Variants in EIF2AK2 observed in about 807,000 individuals in gnomAD.
EIF2AK2 encodes eukaryotic translation initiation factor 2 alpha kinase 2, also known as interferon-induced, double-stranded RNA-activated protein kinase.
In EIF2AK2, 40 loss-of-function variants were observed where a neutral mutation model predicts 70.5. That is an observed-to-expected ratio of 0.57 (90% CI 0.44 to 0.74). EIF2AK2 has a LOEUF of 0.74. Among genes scored for constraint, EIF2AK2 ranks in the 30% least tolerant of loss-of-function variants. The probability of loss-of-function intolerance (pLI) is 0.00; values close to 1 mark genes in which losing one functional copy is unlikely to be tolerated. For missense variants in EIF2AK2, 555 were observed against 644.3 expected, an observed-to-expected ratio of 0.86 and a Z score of 1.50; for synonymous variants, 198 against 220.9, an observed-to-expected ratio of 0.90 and a Z score of 0.92.
chr2:37,148,654 A>G, intron 2 of EIF2AK2: 1 of 826,936 alleles, frequency 1.2e-6, no homozygotes, highest in Non-Finnish European at 2.1e-6. Flanking sequence ...TTTTACTTCA[A>G]CTTAGAACTG....
chr2:37,136,923 A>G, intron 9 of EIF2AK2, 60 bp downstream of exon 9: 4 of 1,496,738 alleles, frequency 2.7e-6, no homozygotes, highest in Non-Finnish European at 3.6e-6. Context: ...ATTAAGAACA[A>G]TAAATAAGTC....
chr2:37,151,393 A>G (rs1675736123), intron 1 of EIF2AK2, among the ~76,000 whole-genome samples: 1 of 152,220 alleles, frequency 6.6e-6, no homozygotes, highest in Non-Finnish European at 1.5e-5. Context: ...AACCACAACT[A>G]AATACAATTT....
At chr2:37,131,649 CT>C (rs1674942576) in intron 10 of EIF2AK2, among the ~76,000 whole-genome samples, 1 of 152,266 alleles carries the variant, frequency 6.6e-6, no homozygotes, top group Non-Finnish European at 1.5e-5. Flanking sequence ...TGAAAGTTCT[CT>C]TGCCGTGTTT....
Position 37,107,254 on chromosome 2 carries a change from A to G in EIF2AK2, c.*19T>C. On this transcript the variant is annotated 3_prime_UTR_variant, in exon 17 of 17. Coordinates refer to ENST00000233057, the MANE Select transcript of EIF2AK2 (RefSeq NM_001135651.3). ...AGGAAAACTGCATATCAGAAGCAGG[A>G]TACTTTTTCAGAAGGGCTCTAACAT... 1.2e-6 allele frequency: 2 copies of G among 1,603,572 alleles called. No homozygotes were observed. Among genetic ancestry groups the G allele is most frequent in the Non-Finnish European group, 1.7e-6 (2 of 1,177,086 alleles).
intron 4 of EIF2AK2, among the ~76,000 whole-genome samples, chr2:37,145,059 G>GA (rs1175018285): frequency 6.7e-6 from 1 of 149,014 alleles, no homozygotes; most frequent in Non-Finnish European, 1.5e-5. Flanking sequence ...TTTAAAAATA[G>GA]AAAAAAGCTT....
chr2:37,137,914 C>G (rs1442001065), intron 8 of EIF2AK2, among the ~76,000 whole-genome samples: 2 of 151,934 alleles, frequency 1.3e-5, no homozygotes, highest in Non-Finnish European at 2.9e-5. Flanking sequence ...AGTTCGAGAC[C>G]AGCCTGAACA....
intron 1 of EIF2AK2, among the ~76,000 whole-genome samples, chr2:37,154,228 G>A (rs1474750479): frequency 6.6e-6 from 1 of 151,980 alleles, no homozygotes; most frequent in Non-Finnish European, 1.5e-5. Context: ...GGGATGCTGA[G>A]GAAGGAGAAT....
intron 1 of EIF2AK2, among the ~76,000 whole-genome samples, chr2:37,151,455 A>C (rs7591361): frequency 0.95 from 145,043 of 152,274 alleles, 69,138 homozygotes; most frequent in East Asian, 1. Context: ...AATAAAAAAT[A>C]AGTGTTGGTG....
At chr2:37,114,961 AC>A (rs2148669612) in intron 13 of EIF2AK2, 102 bp from the exon 14 acceptor site, 2 of 784,552 alleles carry the variant, frequency 2.5e-6, no homozygotes, top group Middle Eastern at 4.3e-4. Context: ...TATTTATAAG[AC>A]CTTTACCCTT....
At chr2:37,151,336 A>T (rs955291471) in intron 1 of EIF2AK2, among the ~76,000 whole-genome samples, 1 of 152,236 alleles carries the variant, frequency 6.6e-6, no homozygotes, top group African/African-American at 2.4e-5. Context: ...CAATAAGCAC[A>T]TGAAAAGATA....
In EIF2AK2 at chr2:37,145,140, G is replaced by T. The variant is rs1390002136; in HGVS notation, c.240+1713C>A. On this transcript the variant is annotated intron_variant, in intron 4 of 16. Transcript: ENST00000233057. Reference sequence around the variant, plus strand: ...CTATGTGTTTGTTTGTGGTTTTGTGGGTTTTTTTTTTTTTTTTTTTGAGAC... The same window carrying T: ...CTATGTGTTTGTTTGTGGTTTTGTGTGTTTTTTTTTTTTTTTTTTTGAGAC... 2.3e-4 allele frequency among the ~76,000 whole-genome samples: 33 copies of T among 143,280 alleles called. 2 individuals are homozygous for T. The South Asian group carries it at 7.3e-3, about 32-fold the overall frequency. 94.0% of individuals were successfully genotyped at this position (143,280 alleles called of 152,430 possible).
chr2:37,137,109 C>G, intron 8 of EIF2AK2, 92 bp from the exon 9 acceptor site: 1 of 1,063,038 alleles, frequency 9.4e-7, no homozygotes, highest in Non-Finnish European at 1.3e-6. Flanking sequence ...CTAGATGGCT[C>G]TCTGACCAAT....
intron 1 of EIF2AK2, among the ~76,000 whole-genome samples, chr2:37,153,821 T>C (rs940226193): frequency 6.6e-6 from 1 of 152,200 alleles, no homozygotes; most frequent in African/African-American, 2.4e-5. Flanking sequence ...AAGTCCCTAC[T>C]TCTGAATATT....
intron 13 of EIF2AK2, among the ~76,000 whole-genome samples, chr2:37,118,043 C>T (rs1173208421): frequency 1.3e-5 from 2 of 152,002 alleles, no homozygotes; most frequent in African/African-American, 4.8e-5. Context: ...TGCAGTGGAG[C>T]ACACCTGGAA....
At chr2:37,122,477 T>C (rs752683349) in intron 12 of EIF2AK2, 29 bp downstream of exon 12, 19 of 1,608,542 alleles carry the variant, frequency 1.2e-5, no homozygotes, top group Non-Finnish European at 1.5e-5. Context: ...TCCATCCTAT[T>C]ATGGCTATGA....
rs150613302 is a variant in EIF2AK2, at chr2:37,113,039, G to T, written c.1377+1692C>A. Reference sequence around the variant, plus strand: ...TGAAGCAACTGCATATTCACACGGGGAAAATCAAGTTAGATTCCTTTCTCA... The same window carrying T: ...TGAAGCAACTGCATATTCACACGGGTAAAATCAAGTTAGATTCCTTTCTCA... On this transcript the variant is annotated intron_variant, in intron 14 of 16. Coordinates refer to ENST00000233057, the MANE Select transcript of EIF2AK2 (RefSeq NM_001135651.3). 1.7e-3 allele frequency among the ~76,000 whole-genome samples: 258 copies of T among 152,262 alleles called. 1 individual carries two copies. The highest frequency in any genetic ancestry group is 6.1e-3 in the African/African-American group (253 of 41,540).
At chr2:37,116,786 AACTGCT>A (rs1361551106) in intron 13 of EIF2AK2, among the ~76,000 whole-genome samples, 2 of 152,242 alleles carry the variant, frequency 1.3e-5, no homozygotes, top group Non-Finnish European at 2.9e-5. Context: ...TTGCAAGTGA[AACTGCT>A]AGTCCCACAT....
chr2:37,109,107 G>T, intron 15 of EIF2AK2, 87 bp downstream of exon 15: 1 of 1,178,590 alleles, frequency 8.5e-7, no homozygotes. Flanking sequence ...CCATCCTCAC[G>T]TGAGGGCAAG....
intron 11 of EIF2AK2, among the ~76,000 whole-genome samples, chr2:37,124,064 C>T (rs539715052): frequency 8.6e-5 from 13 of 150,988 alleles, no homozygotes; most frequent in African/African-American, 2.9e-4. Flanking sequence ...ACCCCTAGGG[C>T]TCAAGCGATC....
Sources: allele counts gnomAD v4.1 joint callset (sites outside exome capture counted in the v4.1 genomes callset), GRCh38; gene constraint gnomAD v4.1.1; transcripts MANE v1.5; gene names NCBI Gene and HGNC (gene_info 2026-07-23, HGNC 2026-07-21).